Variants in MEF2A observed in about 807,000 individuals in gnomAD.
MEF2A encodes myocyte-specific enhancer factor 2A.
Under a neutral mutation model 55.8 loss-of-function variants are expected in MEF2A, and 28 were observed. The observed-to-expected ratio is 0.50, with a 90% CI of 0.37 to 0.69. The LOEUF (loss-of-function observed/expected upper bound fraction) is 0.69. Ranked by LOEUF, MEF2A falls within the 30% of genes least tolerant of loss-of-function variation. MEF2A has a pLI of 0.00. For synonymous variants in MEF2A, 239 were observed against 227.1 expected, an observed-to-expected ratio of 1.05 and a Z score of -0.47; for missense variants, 528 against 626.2, an observed-to-expected ratio of 0.84 and a Z score of 1.67.
chr15:99,636,848 G>A (rs2043956276), intron 3 of MEF2A, among the ~76,000 whole-genome samples: 1 of 151,816 alleles, frequency 6.6e-6, no homozygotes, highest in Non-Finnish European at 1.5e-5. Context: ...TCCATTTGGT[G>A]TTTATTTTTG....
chr15:99,643,431 A>G (rs1457939736), intron 3 of MEF2A, among the ~76,000 whole-genome samples: 1 of 152,160 alleles, frequency 6.6e-6, no homozygotes, highest in Non-Finnish European at 1.5e-5. Context: ...TTCTAGGCAT[A>G]TACTCATGTC....
At chr15:99,618,631 G>A (rs1355699816) in intron 2 of MEF2A, among the ~76,000 whole-genome samples, 13 of 152,086 alleles carry the variant, frequency 8.5e-5, no homozygotes, top group Admixed American at 6.5e-4. Flanking sequence ...ACCCACAAGC[G>A]GTTCAGAATA....
intron 7 of MEF2A, among the ~76,000 whole-genome samples, chr15:99,686,263 T>C (rs1301988396): frequency 1.3e-5 from 2 of 152,206 alleles, no homozygotes; most frequent in Admixed American, 6.5e-5. Context: ...ATTTTATTAA[T>C]CATTGTGTTA....
intron 1 of MEF2A, among the ~76,000 whole-genome samples, chr15:99,583,069 A>G (rs1300462074): frequency 6.6e-6 from 1 of 152,164 alleles, no homozygotes; most frequent in Non-Finnish European, 1.5e-5. Context: ...CGTTACTTGT[A>G]AGAGAACTCC....
intron 2 of MEF2A, among the ~76,000 whole-genome samples, chr15:99,619,310 C>T (rs1423896663): frequency 2.0e-5 from 3 of 152,162 alleles, no homozygotes; most frequent in Non-Finnish European, 4.4e-5. Flanking sequence ...TTTAGCTTCT[C>T]ACCCCCTCAT....
rs1406856314 is a variant in MEF2A at position 99,699,071 on chromosome 15, C to A, written c.859-4291C>A. Reference sequence around the variant, plus strand: ...GTCTTAAAAATTAAAAAAAAAAAAACAAAAAAAACTTGCTGTACAATCCGG... The same window carrying A: ...GTCTTAAAAATTAAAAAAAAAAAAAAAAAAAAAACTTGCTGTACAATCCGG... On this transcript the variant is annotated intron_variant, in intron 8 of 11. Transcript: ENST00000557942. Among the ~76,000 whole-genome samples the A allele has an allele frequency of 1.4e-3, 215 of 148,924 alleles. 1 individual carries two copies. Among genetic ancestry groups the A allele is most frequent in the African/African-American group, 3.7e-3 (150 of 40,534 alleles).
At chr15:99,600,211 T>C (rs928831728) in intron 2 of MEF2A, among the ~76,000 whole-genome samples, 3 of 152,276 alleles carry the variant, frequency 2.0e-5, no homozygotes, top group East Asian at 1.9e-4. Flanking sequence ...TCAGATGTTA[T>C]ATTTTGAGTC....
At chr15:99,674,310 A>G in intron 5 of MEF2A, 83 bp from the exon 6 acceptor site, 1 of 1,259,770 alleles carries the variant, frequency 7.9e-7, no homozygotes, top group East Asian at 2.3e-5. Flanking sequence ...AACTTGAGTT[A>G]CCTTGCCAAA....
intron 1 of MEF2A, among the ~76,000 whole-genome samples, chr15:99,580,178 G>A (rs1026783319): frequency 6.6e-6 from 1 of 152,140 alleles, no homozygotes; most frequent in Non-Finnish European, 1.5e-5. Context: ...GAGTTTGGGG[G>A]ATCAGTCAAA....
chr15:99,641,792 AC>A (rs749816339), intron 3 of MEF2A, among the ~76,000 whole-genome samples: 3 of 151,916 alleles, frequency 2.0e-5, no homozygotes, highest in Non-Finnish European at 2.9e-5. Flanking sequence ...CACATCCCTG[AC>A]CCCGTACATT....
intron 3 of MEF2A, among the ~76,000 whole-genome samples, chr15:99,642,715 T>G (rs1040595539): frequency 6.6e-6 from 1 of 152,202 alleles, no homozygotes; most frequent in Non-Finnish European, 1.5e-5. Flanking sequence ...ACAAGATTCT[T>G]CACTTATTTC....
At chr15:99,585,929 C>A (rs1240813205) in intron 1 of MEF2A, among the ~76,000 whole-genome samples, 2 of 151,754 alleles carry the variant, frequency 1.3e-5, no homozygotes, top group African/African-American at 4.8e-5. Flanking sequence ...GGTTTTTTTC[C>A]TAAATGGAAT....
intron 4 of MEF2A, among the ~76,000 whole-genome samples, chr15:99,665,060 A>G (rs1279268498): frequency 6.6e-6 from 1 of 152,250 alleles, no homozygotes; most frequent in African/African-American, 2.4e-5. Flanking sequence ...ATGGTATTCC[A>G]CAGGAAACAA....
chr15:99,569,040 T>G (rs918007353), intron 1 of MEF2A, among the ~76,000 whole-genome samples: 25 of 152,188 alleles, frequency 1.6e-4, no homozygotes, highest in African/African-American at 5.1e-4. Flanking sequence ...CAGATCACCC[T>G]TTAAGCTGGA....
chr15:99,671,701 G>A, intron 5 of MEF2A: 2 of 1,471,676 alleles, frequency 1.4e-6, no homozygotes, highest in Non-Finnish European at 1.8e-6. Context: ...TGTGCATGAA[G>A]AGATTGACCA....
chr15:99,650,005 G>T (rs771436095), intron 4 of MEF2A, among the ~76,000 whole-genome samples: 3 of 152,072 alleles, frequency 2.0e-5, no homozygotes, highest in Non-Finnish European at 4.4e-5. Flanking sequence ...TTATTGTGCT[G>T]TCATTTAAGG....
At chr15:99,591,092 G>A (rs1969117387) in intron 1 of MEF2A, among the ~76,000 whole-genome samples, 1 of 152,192 alleles carries the variant, frequency 6.6e-6, no homozygotes, top group African/African-American at 2.4e-5. Context: ...TTACAACTGA[G>A]GGCTGATACA....
rs189962512 is a variant in MEF2A, at chr15:99,606,006, A to G, written c.-143+7495A>G. On this transcript the variant is annotated intron_variant, in intron 2 of 11. Transcript: ENST00000557942. ...CTTGAAAGAAGATCAGAGTGGAAGA[A>G]CTTTCTCTATTAAAAACTTATATAA... Among the ~76,000 whole-genome samples, 14 of 152,294 alleles carry G rather than the reference A, an allele frequency of 9.2e-5. 1 individual carries two copies. Among genetic ancestry groups the G allele is most frequent in the African/African-American group, 3.4e-4 (14 of 41,552 alleles).
chr15:99,697,541 G>T (rs968646894), intron 8 of MEF2A, among the ~76,000 whole-genome samples: 1 of 152,082 alleles, frequency 6.6e-6, no homozygotes, highest in Non-Finnish European at 1.5e-5. Context: ...TGTACAGTCT[G>T]TATGTTGAAG....
Sources: allele counts gnomAD v4.1 joint callset (sites outside exome capture counted in the v4.1 genomes callset), GRCh38; gene constraint gnomAD v4.1.1; transcripts MANE v1.5; gene names NCBI Gene and HGNC (gene_info 2026-07-23, HGNC 2026-07-21).